Variants in PIP5K1A observed in about 807,000 individuals in gnomAD.
PIP5K1A encodes phosphatidylinositol-4-phosphate 5-kinase type 1 alpha.
In PIP5K1A, 46 loss-of-function variants were observed where a neutral mutation model predicts 72.9. The ratio of observed to expected loss-of-function variants is 0.63; its 90% confidence interval spans 0.50 to 0.81. The LOEUF (loss-of-function observed/expected upper bound fraction) is 0.81. Among genes scored for constraint, PIP5K1A ranks in the 30% least tolerant of loss-of-function variants. The probability of loss-of-function intolerance (pLI) is 0.00; values close to 1 mark genes in which losing one functional copy is unlikely to be tolerated. For synonymous variants in PIP5K1A, 228 were observed against 255.1 expected, an observed-to-expected ratio of 0.89 and a Z score of 1.01; for missense variants, 458 against 706.1, an observed-to-expected ratio of 0.65 and a Z score of 3.98.
chr1:151,226,010 C>G (rs912512437), intron 3 of PIP5K1A, among the ~76,000 whole-genome samples: 2 of 151,640 alleles, frequency 1.3e-5, no homozygotes, highest in African/African-American at 4.8e-5. Context: ...AACTCCTAGG[C>G]TCAAGTGATC....
chr1:151,236,884 A>G (rs1278683856), intron 9 of PIP5K1A, 121 bp downstream of exon 9: 55 of 682,946 alleles, frequency 8.1e-5, no homozygotes, highest in Admixed American at 2.2e-4. Context: ...CTGATGTGCA[A>G]TGGCACGATC....
chr1:151,221,572 C>A (rs1482996271), intron 1 of PIP5K1A, among the ~76,000 whole-genome samples: 4 of 152,138 alleles, frequency 2.6e-5, no homozygotes, highest in Non-Finnish European at 5.9e-5. Flanking sequence ...TCAAGATTCT[C>A]AGACAAAATA....
chr1:151,231,839 GTGGCCTTTTCAAAT>G lies in PIP5K1A; in HGVS notation c.368+39_368+52del, dbSNP rs373177467. The G allele has an allele frequency of 6.4e-4, 1,029 of 1,608,938 alleles. 7 individuals are homozygous for G. The African/African-American group carries it at 0.012, about 19-fold the overall frequency. ...ATGTTCAGGAGCATGTCCTGGAAAT[GTGGCCTTTTCAAAT>G]CAGCCCAGGGCAGTTTTAGGGGTTC... is the stretch of plus-strand genomic sequence containing the variant. On this transcript the variant is annotated intron_variant, in intron 5 of 15. Transcript: ENST00000368888.
chr1:151,206,462 G>A (rs1408785304), intron 1 of PIP5K1A, among the ~76,000 whole-genome samples: 1 of 152,194 alleles, frequency 6.6e-6, no homozygotes, highest in Non-Finnish European at 1.5e-5. Context: ...CAAAGGGGAG[G>A]TGAGCAAAGG....
chr1:151,239,250 T>G (rs1691317149), intron 11 of PIP5K1A, 72 bp downstream of exon 11: 5 of 990,272 alleles, frequency 5.0e-6, no homozygotes, highest in Non-Finnish European at 1.5e-6. Flanking sequence ...CCTCAGTTTC[T>G]TGCAATTTTT....
At chr1:151,232,152 C>T (rs966921142) in intron 5 of PIP5K1A, 96 bp from the exon 6 acceptor site, 7 of 812,040 alleles carry the variant, frequency 8.6e-6, no homozygotes, top group South Asian at 1.4e-5. Flanking sequence ...TTCCCCCACT[C>T]CCCCCACCAT....
At chr1:151,241,239 C>T (rs1319445319) in intron 12 of PIP5K1A, among the ~76,000 whole-genome samples, 2 of 152,134 alleles carry the variant, frequency 1.3e-5, no homozygotes, top group Non-Finnish European at 2.9e-5. Context: ...CAGTGTCTCA[C>T]ACCAGTAATC....
chr1:151,216,900 G>GTTTTTTTTTTT (rs78155966), intron 1 of PIP5K1A, among the ~76,000 whole-genome samples: 5 of 136,780 alleles, frequency 3.7e-5, no homozygotes, highest in African/African-American at 1.4e-4. Context: ...CTTAGTAAAT[G>GTTTTTTTTTTT]TTTTTTTTTT....
chr1:151,203,714 C>T (rs1180902540), intron 1 of PIP5K1A, among the ~76,000 whole-genome samples: 1 of 151,580 alleles, frequency 6.6e-6, no homozygotes, highest in Non-Finnish European at 1.5e-5. Context: ...GTCCCAGCTA[C>T]TCGGAAGGCT....
Position 151,226,688 on chromosome 1 carries a change from A to T in PIP5K1A, c.157-632A>T, listed in dbSNP as rs1689191282. ...AGATCGTGGCATTGCACTCCAGCCC[A>T]GGCGACACAAGCGAAACTCTGTCTC... is the stretch of plus-strand genomic sequence containing the variant. On this transcript the variant is annotated intron_variant, in intron 3 of 15. Transcript: ENST00000368888. Among the ~76,000 whole-genome samples, 3 of 132,580 alleles carry T rather than the reference A, an allele frequency of 2.3e-5. No homozygotes were observed. The Admixed American group carries it at 2.4e-4, about 11-fold the overall frequency. 87.0% of individuals were successfully genotyped at this position (132,580 alleles called of 152,430 possible). A position where few individuals can be genotyped will look rare whatever the true frequency, so the allele number is the denominator to read the frequency against.
At chr1:151,225,981 G>A (rs367611412) in intron 3 of PIP5K1A, among the ~76,000 whole-genome samples, 21 of 151,686 alleles carry the variant, frequency 1.4e-4, no homozygotes, top group African/African-American at 5.1e-4. Context: ...GATTTGCCAT[G>A]TTGCCCAGTC....
upstream of PIP5K1A, among the ~76,000 whole-genome samples, chr1:151,196,860 CT>C (rs34245382): frequency 0.58 from 55,008 of 94,934 alleles, 14,242 homozygotes; most frequent in Non-Finnish European, 0.62. Context: ...TGCGCCCGGC[CT>C]TTTTTTTTTT....
intron 14 of PIP5K1A, among the ~76,000 whole-genome samples, chr1:151,243,188 C>G (rs941937774): frequency 6.6e-6 from 1 of 152,232 alleles, no homozygotes; most frequent in East Asian, 1.9e-4. Context: ...CTGTCATAGT[C>G]TGCTCTCTGG....
intron 1 of PIP5K1A, among the ~76,000 whole-genome samples, chr1:151,200,295 G>A (rs1685038910): frequency 1.3e-5 from 2 of 151,976 alleles, no homozygotes; most frequent in Admixed American, 6.6e-5. Context: ...AATGGAGCCA[G>A]GTTAATGTAG....
intron 8 of PIP5K1A, 117 bp from the exon 9 acceptor site, chr1:151,236,441 A>C: frequency 1.5e-6 from 1 of 666,838 alleles, no homozygotes; most frequent in Admixed American, 2.6e-5. Context: ...ACACCACTGC[A>C]CTCTAGCCTG....
chr1:151,234,964 C>G (rs587637479), intron 8 of PIP5K1A, among the ~76,000 whole-genome samples: 1 of 152,358 alleles, frequency 6.6e-6, no homozygotes, highest in African/African-American at 2.4e-5. Context: ...TCTAATCAAA[C>G]CATTTTCTGA....
Position 151,245,994 on chromosome 1 carries a change from C to G in PIP5K1A, c.1641-926C>G, listed in dbSNP as rs587621493. ...GGGTGTGGTGGCTCACACCTATAAT[C>G]CTGGCACTTTGGGAGGCCGAGGAGG... On this transcript the variant is annotated intron_variant, in intron 14 of 15. Transcript: ENST00000368888. Among the ~76,000 whole-genome samples the G allele has an allele frequency of 3.9e-5, 6 of 152,276 alleles. No individual in the cohort carries two copies. The South Asian group carries it at 1.2e-3, about 32-fold the overall frequency.
Position 151,236,787 on chromosome 1 carries a change from G to C in PIP5K1A, c.1145+24G>C, listed in dbSNP as rs190842674. ...CAGTAAGTGGGCTCAGGGCCACTAGGGGGGAGAACATAGGCCCACAGCACT... is the reference window on the plus strand; with the variant it reads ...CAGTAAGTGGGCTCAGGGCCACTAGCGGGGAGAACATAGGCCCACAGCACT... On this transcript the variant is annotated intron_variant, in intron 9 of 15. Coordinates refer to ENST00000368888, the MANE Select transcript of PIP5K1A (RefSeq NM_001135638.2). 501 of 1,531,414 alleles carry C rather than the reference G, an allele frequency of 3.3e-4. 2 individuals carry two copies. In the African/African-American group the frequency reaches 5.3e-3, roughly 16 times the overall value. 94.9% of individuals were successfully genotyped at this position (1,531,414 alleles called of 1,614,324 possible). A position where few individuals can be genotyped will look rare whatever the true frequency, so the allele number is the denominator to read the frequency against.
Position 151,248,101 on chromosome 1 carries a change from A to C in PIP5K1A, c.*236A>C. ...AGTTGAGGACCGCAGCATCCCCTCCACTCCAGAGTTGGGTGGTATGGATTT... is the reference window on the plus strand; with the variant it reads ...AGTTGAGGACCGCAGCATCCCCTCCCCTCCAGAGTTGGGTGGTATGGATTT... On this transcript the variant is annotated 3_prime_UTR_variant, in exon 16 of 16. Transcript: ENST00000368888. 1.9e-6 allele frequency: 1 copy of C among 514,580 alleles called. No individual in the cohort carries two copies. Among genetic ancestry groups the C allele is most frequent in the Non-Finnish European group, 3.5e-6 (1 of 288,726 alleles). The allele number at this position is 514,580 out of a possible 1,614,324, so 31.9% of individuals were successfully genotyped here.
Sources: gnomAD v4.1 joint callset for allele counts (sites outside exome capture counted in the v4.1 genomes callset) on GRCh38, gnomAD v4.1.1 for gene constraint, MANE v1.5 for transcripts, NCBI Gene and HGNC (gene_info 2026-07-23, HGNC 2026-07-21) for gene names.